EXTL1: variants seen among roughly 807,000 people sequenced by gnomAD.
EXTL1 encodes exostosin like glycosyltransferase 1.
In EXTL1, 43 loss-of-function variants were observed where a neutral mutation model predicts 64.6. That is an observed-to-expected ratio of 0.67 (90% confidence interval 0.52 to 0.86). The LOEUF (loss-of-function observed/expected upper bound fraction) is 0.86, where lower values mean the gene tolerates loss of function less well. Among genes scored for constraint, EXTL1 ranks in the 40% least tolerant of loss-of-function variants. EXTL1 has a pLI of 0.00. For synonymous variants in EXTL1, 352 were observed against 360.5 expected (o/e 0.98, Z 0.27); for missense variants, 766 against 879.0 (o/e 0.87, Z 1.62).
Position 26,034,882 on chromosome 1 carries a change from AC to A in EXTL1, c.1729del (p.Leu577TrpfsTer12). On this transcript the variant is annotated frameshift_variant, in exon 10 of 11. Transcript: ENST00000374280. LOFTEE classifies it high-confidence loss of function. This position sits in a 1 kb window ranked among gnomAD's most constrained non-coding sequence, Gnocchi z 4.6. Reference sequence around the variant, plus strand: ...CCACTCCCTGCCCAAGGCTCTGAGGACCCTGGCAGATGAGGCACCCACCTGT... The same window carrying A: ...CCACTCCCTGCCCAAGGCTCTGAGGACCTGGCAGATGAGGCACCCACCTGT... ...FTHSLPKALR[T>X]LADEAPTCVD... is the part of the protein sequence containing the mutation. 6.2e-7 allele frequency: 1 copy of A among 1,614,116 alleles called. No homozygotes were observed. Among genetic ancestry groups the A allele is most frequent in the Non-Finnish European group, 8.5e-7 (1 of 1,180,000 alleles).
chr1:26,035,020 G>A lies in EXTL1; in HGVS notation c.1848+16G>A. 4 of 1,613,616 alleles carry A rather than the reference G, an allele frequency of 2.5e-6. No individual in the cohort carries two copies. The highest frequency in any genetic ancestry group is 3.4e-6 in the Non-Finnish European group (4 of 1,179,620). ...TGCTCCACTGGTGAGGGCTGAGGGG[G>A]ATTGGTCGGAACTGGCAGGGATTGG... On this transcript the variant is annotated intron_variant, in intron 10 of 10. Coordinates refer to ENST00000374280, the MANE Select transcript of EXTL1 (RefSeq NM_004455.3). This position sits in a 1 kb window ranked among gnomAD's most constrained non-coding sequence, Gnocchi z 5.3.
rs1311329832 is a variant in EXTL1, at chr1:26,027,257, G to A, written c.780-1936G>A. Among the ~76,000 whole-genome samples the A allele has an allele frequency of 1.3e-5, 2 of 152,186 alleles. 1 individual carries two copies. The highest frequency in any genetic ancestry group is 4.1e-4 in the South Asian group (2 of 4,832). ...TAAGCAGAGAGAGGCTGCACCGGCT[G>A]CCTCCCTGGCTCCTCTACTCAAGAG... is the stretch of plus-strand genomic sequence containing the variant. On this transcript the variant is annotated intron_variant, in intron 1 of 10. Transcript: ENST00000374280.
intron 1 of EXTL1, among the ~76,000 whole-genome samples, chr1:26,026,230 G>C (rs2050213780): frequency 7.4e-6 from 1 of 134,362 alleles, no homozygotes; most frequent in Admixed American, 7.7e-5. Context: ...CAGAGTGAGA[G>C]AGACTCTGTT....
At chr1:26,027,693 A>AAAAAAAAAAAAAAAAAAAAAAAAAAG (rs1553141858) in intron 1 of EXTL1, among the ~76,000 whole-genome samples, 4 of 131,456 alleles carry the variant, frequency 3.0e-5, no homozygotes, top group Non-Finnish European at 4.9e-5. Context: ...CATCTCTAAA[A>AAAAAAAAAAAAAAAAAAAAAAAAAAG]AAAAAAAAAA....
chr1:26,023,387 C>G lies in EXTL1; in HGVS notation c.741C>G (p.Pro247=). 1 of 1,456,548 alleles carries G rather than the reference C, an allele frequency of 6.9e-7. No homozygotes were observed. Among genetic ancestry groups the G allele is most frequent in the South Asian group, 1.5e-5 (1 of 68,874 alleles). 90.2% of individuals were successfully genotyped at this position (1,456,548 alleles called of 1,614,324 possible). ...CAGACACTGGCTCCTCTGCCTGCCC[C>G]TGGGATGGGCGCTGTGAGCAAGACC... ...RTADTGSSAC[P]WDGRCEQDPG... is the part of the protein sequence containing the mutation. The change falls in exon 1 of 11, where the codon CCC becomes CCG. Residue 247 remains proline (P), a synonymous_variant. Transcript: ENST00000374280.
In EXTL1 at chr1:26,030,601, G is replaced by C; in HGVS notation, c.1101+6G>C. 1 of 1,604,336 alleles carries C rather than the reference G, an allele frequency of 6.2e-7. No individual in the cohort carries two copies. The highest frequency in any genetic ancestry group is 8.5e-7 in the Non-Finnish European group (1 of 1,172,970). ...TCATCCATACCACTCTGGAGGTGAG[G>C]GGTCTCACCTGATGGGGGTCCTGGC... On this transcript the variant is annotated splice_donor_region_variant and intron_variant, in intron 4 of 10. Transcript: ENST00000374280.
In EXTL1 at chr1:26,033,276, C is replaced by A. The variant is rs768766754; in HGVS notation, c.1479C>A (p.Ile493=). 5.0e-6 allele frequency: 8 copies of A among 1,614,000 alleles called. No individual in the cohort carries two copies. Among genetic ancestry groups the A allele is most frequent in the Non-Finnish European group, 2.5e-6 (3 of 1,180,012 alleles). Residue 493 remains isoleucine (I), a synonymous_variant, in exon 8 of 11, where the codon ATC becomes ATA. Coordinates refer to ENST00000374280, the MANE Select transcript of EXTL1 (RefSeq NM_004455.3). This position sits in a 1 kb window ranked among gnomAD's most constrained non-coding sequence, Gnocchi z 5.1. ...ATAGCACCATCAGAACAGATGCCAT[C>A]CTCAGCCTCGATGCCCGCAGCAGTC... ...YPYSTIRTDA[I]LSLDARSSLS... is the part of the protein sequence containing the mutation.
chr1:26,023,435 C>A lies in EXTL1; in HGVS notation c.779+10C>A, dbSNP rs2050178703. 1.4e-6 allele frequency: 2 copies of A among 1,429,574 alleles called. No individual in the cohort carries two copies. The highest frequency in any genetic ancestry group is 1.8e-6 in the Non-Finnish European group (2 of 1,087,296). The allele number at this position is 1,429,574 out of a possible 1,614,324, so 88.6% of individuals were successfully genotyped here. On this transcript the variant is annotated intron_variant, in intron 1 of 10. Transcript: ENST00000374280. Reference sequence around the variant, plus strand: ...ACCCTGGACCTGGGCAGTAAGTGAACCTTTTGCCTTGGGGGCTGGATGGGA... The same window carrying A: ...ACCCTGGACCTGGGCAGTAAGTGAAACTTTTGCCTTGGGGGCTGGATGGGA...
In EXTL1 at chr1:26,022,352, TG is replaced by T. The variant is rs2050159197; in HGVS notation, c.-292del. 1 of 373,512 alleles carries T rather than the reference TG, an allele frequency of 2.7e-6. No individual in the cohort carries two copies. The highest frequency in any genetic ancestry group is 4.8e-6 in the Non-Finnish European group (1 of 206,854). 23.1% of individuals were successfully genotyped at this position (373,512 alleles called of 1,614,324 possible). A position where few individuals can be genotyped will look rare whatever the true frequency, so the allele number is the denominator to read the frequency against. ...AGTGCCCAGGGGCAGGGGTCCCTGC[TG>T]GGAGGGAAAAGGCTGGCTTGGTTGT... On this transcript the variant is annotated 5_prime_UTR_variant, in exon 1 of 11. The change creates a premature stop within an existing upstream ORF in the 5' untranslated region. Coordinates refer to ENST00000374280, the MANE Select transcript of EXTL1 (RefSeq NM_004455.3).
rs1214937265 is a variant in EXTL1 at position 26,025,333 on chromosome 1, T to G, written c.779+1908T>G. The stretch of plus-strand genomic sequence containing the variant: ...GGCTACATTTGAGGAGTGCCTGGCT[T>G]GGGCCAGGTGCTGTGCCAGGCACTT... On this transcript the variant is annotated intron_variant, in intron 1 of 10. Transcript: ENST00000374280. This position sits in a 1 kb window ranked among gnomAD's most constrained non-coding sequence, Gnocchi z 5.3. 6.6e-6 allele frequency among the ~76,000 whole-genome samples: 1 copy of G among 152,206 alleles called. No individual in the cohort carries two copies. Among genetic ancestry groups the G allele is most frequent in the Non-Finnish European group, 1.5e-5 (1 of 68,028 alleles).
rs2050258634 is a variant in EXTL1, at chr1:26,029,601, C to A, written c.875C>A (p.Ala292Asp). Residue 292 changes from alanine to aspartate, a missense_variant and splice_region_variant, in exon 3 of 11, where the codon GCC becomes GAC. By Grantham distance (126) the Ala-to-Asp change is moderately radical. This residue lies in a region of EXTL1 where 571 missense variants were observed against 647.6 expected (regional missense o/e 0.88). Transcript: ENST00000374280. ...CCCAGTGACCTCCCCGCCCCCCAGGCCGGCTGCATCCCAGTGCTTCTCAGC... is the reference window on the plus strand; with the variant it reads ...CCCAGTGACCTCCCCGCCCCCCAGGACGGCTGCATCCCAGTGCTTCTCAGC... ...AASRFLQALQ[A>D]GCIPVLLSPR... 2 of 1,597,892 alleles carry A rather than the reference C, an allele frequency of 1.3e-6. No homozygotes were observed. Among genetic ancestry groups the A allele is most frequent in the Admixed American group, 3.4e-5 (2 of 59,336 alleles).
intron 1 of EXTL1, among the ~76,000 whole-genome samples, chr1:26,026,646 A>C (rs1214195319): frequency 2.0e-5 from 3 of 152,182 alleles, no homozygotes; most frequent in Non-Finnish European, 2.9e-5. Context: ...ACAGTTATCA[A>C]CTATATTCTT....
chr1:26,024,108 C>G (rs1479043404), intron 1 of EXTL1, among the ~76,000 whole-genome samples: 1 of 152,184 alleles, frequency 6.6e-6, no homozygotes, highest in Admixed American at 6.5e-5. Context: ...GTGAGAGGCC[C>G]TTGACATATA....
In EXTL1 at chr1:26,033,541, G is replaced by A. The variant is rs895212693; in HGVS notation, c.1519-155G>A. The stretch of plus-strand genomic sequence containing the variant: ...TTTTGTGGCCCCTGGAAGCTTTCAT[G>A]CCACACTTCCAGCCAATTCCAAGTC... On this transcript the variant is annotated intron_variant, in intron 8 of 10. Coordinates refer to ENST00000374280, the MANE Select transcript of EXTL1 (RefSeq NM_004455.3). The surrounding 1 kb of genome is among the most constrained non-coding windows in gnomAD (Gnocchi z 5.1). Among the ~76,000 whole-genome samples the A allele has an allele frequency of 6.6e-6, 1 of 152,182 alleles. No homozygotes were observed. Among genetic ancestry groups the A allele is most frequent in the Non-Finnish European group, 1.5e-5 (1 of 68,024 alleles).
intron 3 of EXTL1, 63 bp downstream of exon 3, chr1:26,029,770 C>A: frequency 1.8e-6 from 2 of 1,106,228 alleles, no homozygotes; most frequent in South Asian, 2.6e-5. Flanking sequence ...GACCTAGAAT[C>A]CTGGATCGAG....
At position 26,034,962 on chromosome 1, in the gene EXTL1, C is replaced by T; in HGVS notation, c.1806C>T (p.Ile602=). The change falls in exon 10 of 11, where the codon ATC becomes ATT. Residue 602 remains isoleucine, a synonymous_variant. Transcript: ENST00000374280. This position sits in a 1 kb window ranked among gnomAD's most constrained non-coding sequence, Gnocchi z 4.6. ...CAGCAGTCACCAAGCTGCCCCCTAT[C>T]AAGGTGCCCTATGGCAAGCAGCGCC... The part of the protein sequence containing the change: ...IVAAVTKLPP[I]KVPYGKQRQE... 1 of 1,614,204 alleles carries T rather than the reference C, an allele frequency of 6.2e-7. No homozygotes were observed. Among genetic ancestry groups the T allele is most frequent in the Non-Finnish European group, 8.5e-7 (1 of 1,180,038 alleles).
At position 26,023,262 on chromosome 1, in the gene EXTL1, C is replaced by A. The variant is rs774904282; in HGVS notation, c.616C>A (p.Pro206Thr). 13 of 1,589,082 alleles carry A rather than the reference C, an allele frequency of 8.2e-6. No individual in the cohort carries two copies. The African/African-American group carries it at 1.7e-4, about 21-fold the overall frequency. The change falls in exon 1 of 11, where the codon CCG becomes ACG. Residue 206 changes from proline to threonine, a missense_variant. By Grantham distance (38) the Pro-to-Thr change is conservative. Around this residue, in one of 3 missense-constraint regions of EXTL1, gnomAD observed 571 missense variants for 647.6 expected, o/e 0.88. Transcript: ENST00000374280. ...CCTCCCTTTTCTCCCTGAAGCCCAC[C>A]CGTTGCGAGGTGGGGCTCCTGGCCA... ...VALPFLPEAH[P>T]LRGGAPGQLR...
chr1:26,029,424 C>T, intron 2 of EXTL1, 138 bp downstream of exon 2: 1 of 767,024 alleles, frequency 1.3e-6, no homozygotes, highest in Non-Finnish European at 2.3e-6. Flanking sequence ...ATGCCTGTGT[C>T]CCCATTCACT....
chr1:26,035,550 C>T lies in EXTL1; in HGVS notation c.*203C>T, dbSNP rs2050331378. The T allele has an allele frequency of 2.1e-6, 1 of 465,678 alleles. No homozygotes were observed. Among genetic ancestry groups the T allele is most frequent in the Non-Finnish European group, 3.8e-6 (1 of 263,340 alleles). 28.8% of individuals were successfully genotyped at this position (465,678 alleles called of 1,614,324 possible). Reference sequence around the variant, plus strand: ...CTCGCCCTCAGCCGCGGAGCCTCTGCGGAGGCTGAGCCCCGCGACCGGAGC... The same window carrying T: ...CTCGCCCTCAGCCGCGGAGCCTCTGTGGAGGCTGAGCCCCGCGACCGGAGC... On this transcript the variant is annotated 3_prime_UTR_variant, in exon 11 of 11. Coordinates refer to ENST00000374280, the MANE Select transcript of EXTL1 (RefSeq NM_004455.3). This position sits in a 1 kb window ranked among gnomAD's most constrained non-coding sequence, Gnocchi z 5.3.
Sources: gnomAD v4.1 joint callset for allele counts (sites outside exome capture counted in the v4.1 genomes callset) on GRCh38, gnomAD v4.1.1 for gene constraint, gnomAD v4.1.1 regional missense constraint, Gnocchi (gnomAD v3.1) non-coding constraint, MANE v1.5 for transcripts, NCBI Gene and HGNC (gene_info 2026-07-23, HGNC 2026-07-21) for gene names.